NOL4: variants seen among roughly 807,000 people sequenced by gnomAD.
NOL4 encodes the protein nucleolar protein 4.
A neutral mutation model predicts 75.9 loss-of-function variants in NOL4; 17 were observed. The observed-to-expected ratio is 0.22, with a 90% CI of 0.15 to 0.34. The LOEUF (loss-of-function observed/expected upper bound fraction) is 0.34. NOL4 is among the 10% of genes least tolerant of loss of function. NOL4 has a pLI of 1.00. For synonymous variants in NOL4, 292 were observed against 289.9 expected (o/e 1.01, Z -0.07); for missense variants, 614 against 793.5 (o/e 0.77, Z 2.72).
At chr18:33,878,289 G>A (rs1393887676) in intron 10 of NOL4, among the ~76,000 whole-genome samples, 1 of 152,032 alleles carries the variant, frequency 6.6e-6, no homozygotes, top group African/African-American at 2.4e-5. Flanking sequence ...CTTTCAAAGT[G>A]TTCTCACTTG....
chr18:33,953,966 G>A (rs2069449864), intron 8 of NOL4, among the ~76,000 whole-genome samples: 1 of 152,108 alleles, frequency 6.6e-6, no homozygotes, highest in Non-Finnish European at 1.5e-5. Context: ...ATATACTTTA[G>A]TTGAATATGC....
At chr18:34,050,484 C>T (rs1350457350) in intron 5 of NOL4, among the ~76,000 whole-genome samples, 1 of 151,842 alleles carries the variant, frequency 6.6e-6, no homozygotes, top group Non-Finnish European at 1.5e-5. Context: ...ACCTGGACAT[C>T]GATCATATTA....
At chr18:34,116,282 T>C (rs1390295510) in intron 2 of NOL4, among the ~76,000 whole-genome samples, 1 of 145,734 alleles carries the variant, frequency 6.9e-6, no homozygotes, top group Non-Finnish European at 1.5e-5. Flanking sequence ...CTATCTTCCA[T>C]CTGTGGGTTA....
chr18:34,207,339 T>A (rs1251210796), intron 1 of NOL4, among the ~76,000 whole-genome samples: 2 of 152,168 alleles, frequency 1.3e-5, no homozygotes, highest in African/African-American at 4.8e-5. Flanking sequence ...AAAAAAATAT[T>A]ATATTTGGAT....
intron 9 of NOL4, among the ~76,000 whole-genome samples, chr18:33,920,456 G>A (rs758221516): frequency 3.3e-5 from 5 of 152,178 alleles, no homozygotes; most frequent in Non-Finnish European, 1.5e-5. Flanking sequence ...TATAGCTAAT[G>A]AGCATAAAGC....
rs528742176 is a variant in NOL4, at chr18:34,194,141, A to G, written c.264+28849T>C. Among the ~76,000 whole-genome samples, 14 of 152,300 alleles carry G rather than the reference A, an allele frequency of 9.2e-5. No individual in the cohort carries two copies. The South Asian group carries it at 2.9e-3, about 32-fold the overall frequency. Reference sequence around the variant, plus strand: ...TTCACTTAGGAGGAATAATTTCAAAATATAGAATGTATGATTTGGTGACTA... The same window carrying G: ...TTCACTTAGGAGGAATAATTTCAAAGTATAGAATGTATGATTTGGTGACTA... On this transcript the variant is annotated intron_variant, in intron 1 of 10. Coordinates refer to ENST00000261592, the MANE Select transcript of NOL4 (RefSeq NM_003787.5).
intron 9 of NOL4, among the ~76,000 whole-genome samples, chr18:33,936,011 A>C (rs1056976788): frequency 5.3e-5 from 8 of 152,058 alleles, no homozygotes; most frequent in Admixed American, 5.3e-4. Context: ...TAAGAATAAA[A>C]CCCTATTGAA....
At chr18:33,945,704 ATT>A (rs2068788166) in intron 8 of NOL4, among the ~76,000 whole-genome samples, 1 of 151,726 alleles carries the variant, frequency 6.6e-6, no homozygotes, top group Non-Finnish European at 1.5e-5. Flanking sequence ...ACACTATCCT[ATT>A]GAGTGGAAAA....
intron 9 of NOL4, among the ~76,000 whole-genome samples, chr18:33,911,003 C>T (rs1358201981): frequency 6.6e-6 from 1 of 152,136 alleles, no homozygotes; most frequent in Non-Finnish European, 1.5e-5. Flanking sequence ...TTCAGTCTCT[C>T]TCTTCTCGGC....
chr18:33,926,754 C>T (rs148281495), intron 9 of NOL4, among the ~76,000 whole-genome samples: 3,294 of 152,182 alleles, frequency 0.022, 58 homozygotes, highest in Non-Finnish European at 0.036. Flanking sequence ...GCGCCCACCA[C>T]CACGCCCAGC....
chr18:33,944,494 C>T (rs1225695610), intron 8 of NOL4, among the ~76,000 whole-genome samples: 2 of 151,894 alleles, frequency 1.3e-5, no homozygotes, highest in Non-Finnish European at 2.9e-5. Flanking sequence ...AGCAGACTTC[C>T]TCACTACTCC....
chr18:34,053,510 CTTAAT>C (rs548369735), intron 5 of NOL4, among the ~76,000 whole-genome samples: 14 of 152,062 alleles, frequency 9.2e-5, no homozygotes, highest in African/African-American at 2.9e-4. Context: ...CAGTTCAATA[CTTAAT>C]TTAATTCAAA....
In NOL4 at chr18:34,129,863, T is replaced by A; in HGVS notation, c.414+8A>T. ...TGCATGCTCTTTTTTTTTTCTTTTT[T>A]AACTTACTGCTTTGTAAGTTCTCTT... On this transcript the variant is annotated splice_region_variant and intron_variant, in intron 2 of 10. Coordinates refer to ENST00000261592, the MANE Select transcript of NOL4 (RefSeq NM_003787.5). The A allele has an allele frequency of 1.3e-6, 2 of 1,536,046 alleles. No individual in the cohort carries two copies. Among genetic ancestry groups the A allele is most frequent in the Non-Finnish European group, 8.7e-7 (1 of 1,144,822 alleles).
At chr18:33,897,076 C>T (rs1460540331) in intron 9 of NOL4, among the ~76,000 whole-genome samples, 1 of 152,116 alleles carries the variant, frequency 6.6e-6, no homozygotes, top group African/African-American at 2.4e-5. Flanking sequence ...TACCACCTCA[C>T]ACCAGTCAGA....
At chr18:34,102,801 T>A (rs922408173) in intron 4 of NOL4, among the ~76,000 whole-genome samples, 1 of 140,772 alleles carries the variant, frequency 7.1e-6, no homozygotes, top group African/African-American at 2.6e-5. Flanking sequence ...ATGAAGATAG[T>A]TTTTTTTTAT....
At chr18:33,965,636 T>C (rs1393312803) in intron 6 of NOL4, among the ~76,000 whole-genome samples, 1 of 152,192 alleles carries the variant, frequency 6.6e-6, no homozygotes, top group Admixed American at 6.5e-5. Context: ...TGAGTTTTCA[T>C]GAAATCTGAT....
chr18:34,117,120 A>G (rs1264209293), intron 2 of NOL4, among the ~76,000 whole-genome samples: 1 of 152,198 alleles, frequency 6.6e-6, no homozygotes, highest in East Asian at 1.9e-4. Flanking sequence ...TTAATTGAGT[A>G]CTTAGTAAAT....
intron 6 of NOL4, among the ~76,000 whole-genome samples, chr18:33,981,784 AT>A (rs1194359612): frequency 1.3e-5 from 2 of 152,060 alleles, no homozygotes; most frequent in Non-Finnish European, 2.9e-5. Context: ...AAATAAAAAT[AT>A]TTTTTCTCAT....
At chr18:34,048,965 A>C (rs1331493052) in intron 5 of NOL4, among the ~76,000 whole-genome samples, 1 of 152,040 alleles carries the variant, frequency 6.6e-6, no homozygotes, top group African/African-American at 2.4e-5. Context: ...TAGATTTTTT[A>C]AAATGATTAC....
Sources: allele counts gnomAD v4.1 joint callset (sites outside exome capture counted in the v4.1 genomes callset), GRCh38; gene constraint gnomAD v4.1.1; transcripts MANE v1.5; gene names NCBI Gene and HGNC (gene_info 2026-07-23, HGNC 2026-07-21).